PCDHGA10: variants seen among roughly 807,000 people sequenced by gnomAD.
PCDHGA10 encodes the protein protocadherin gamma subfamily A, 10, also known as protocadherin gamma-A10.
PCDHGA10 carries 42 observed loss-of-function variants against 59.5 expected under a neutral mutation model. The observed-to-expected ratio is 0.71, with a 90% CI of 0.55 to 0.91. The LOEUF is 0.91. Among genes scored for constraint, PCDHGA10 ranks in the 40% least tolerant of loss-of-function variants. The probability of loss-of-function intolerance (pLI) is 0.00; values close to 1 mark genes in which losing one functional copy is unlikely to be tolerated. For synonymous variants in PCDHGA10, 511 were observed against 517.2 expected, an observed-to-expected ratio of 0.99 and a Z score of 0.16; for missense variants, 1,111 against 1,198.2, an observed-to-expected ratio of 0.93 and a Z score of 1.07.
rs1177173734 is a variant in PCDHGA10, at chr5:141,491,741, G to A, written c.2437-3066G>A. ...CCGCCCCGGGCGACCCCTGGGGGCG[G>A]CACTGGAGAAGCCGCCCGTCCTCAT... On this transcript the variant is annotated intron_variant, in intron 1 of 3. Coordinates refer to ENST00000398610, the MANE Select transcript of PCDHGA10 (RefSeq NM_018913.3). The surrounding 1 kb of genome is among the most constrained non-coding windows in gnomAD (Gnocchi z 6.9). 1.9e-6 allele frequency: 3 copies of A among 1,595,644 alleles called. No homozygotes were observed. In the South Asian group the frequency reaches 3.4e-5, roughly 18 times the overall value.
Position 141,415,748 on chromosome 5 carries a change from T to G in PCDHGA10, c.2436+137T>G, listed in dbSNP as rs1345423849. On this transcript the variant is annotated intron_variant, in intron 1 of 3. Transcript: ENST00000398610. ...ATTTGATGTTTATTAAGGTTTTTTT[T>G]TTTTTTTTTTTTTTTTTTTTTTTTA... is the stretch of plus-strand genomic sequence containing the variant. 87 of 1,008,904 alleles carry G rather than the reference T, an allele frequency of 8.6e-5. No individual in the cohort carries two copies. The Middle Eastern group carries it at 1.2e-3, about 13-fold the overall frequency. 62.5% of individuals were successfully genotyped at this position (1,008,904 alleles called of 1,614,324 possible).
chr5:141,464,266 AAAAAAAAAAAAGC>A (rs2099079689), intron 1 of PCDHGA10, among the ~76,000 whole-genome samples: 2 of 138,926 alleles, frequency 1.4e-5, no homozygotes, highest in Admixed American at 1.4e-4. Flanking sequence ...CTCCGTCTAA[AAAAAAAAAAAAGC>A]AAAAAAAAAA....
At chr5:141,483,840 T>C (rs996866862) in intron 1 of PCDHGA10, among the ~76,000 whole-genome samples, 2 of 152,172 alleles carry the variant, frequency 1.3e-5, no homozygotes, top group South Asian at 2.1e-4. Context: ...AAGGACTTGG[T>C]TGAATTAAGA....
intron 1 of PCDHGA10, chr5:141,478,670 C>G: frequency 6.4e-7 from 1 of 1,551,664 alleles, no homozygotes; most frequent in East Asian, 2.4e-5. Flanking sequence ...TTCACACTTT[C>G]AACTGGCCCT....
At chr5:141,509,069 G>T (rs1463164307) in intron 3 of PCDHGA10, among the ~76,000 whole-genome samples, 1 of 152,174 alleles carries the variant, frequency 6.6e-6, no homozygotes, top group Non-Finnish European at 1.5e-5. Flanking sequence ...CTCAGCTCCG[G>T]GGATTTGCGA....
chr5:141,430,594 C>T, intron 1 of PCDHGA10: 3 of 563,604 alleles, frequency 5.3e-6, no homozygotes, highest in Non-Finnish European at 5.7e-6. Flanking sequence ...GCCTTGCACG[C>T]GCCTGAAGCA....
chr5:141,428,388 C>A, intron 1 of PCDHGA10: 1 of 506,160 alleles, frequency 2.0e-6, no homozygotes, highest in African/African-American at 1.9e-5. Flanking sequence ...GCTCTTCCAG[C>A]CCCTCTGCCT....
chr5:141,447,078 G>A (rs531206989), intron 1 of PCDHGA10, among the ~76,000 whole-genome samples: 5 of 152,018 alleles, frequency 3.3e-5, no homozygotes, highest in Non-Finnish European at 7.4e-5. Context: ...TTTAATTTTT[G>A]TTGTTTAATT....
intron 1 of PCDHGA10, among the ~76,000 whole-genome samples, chr5:141,449,674 TA>T (rs2154562752): frequency 6.6e-6 from 1 of 151,604 alleles, no homozygotes; most frequent in African/African-American, 2.4e-5. Context: ...AGTGTGTATG[TA>T]TATATGTTTG....
chr5:141,421,713 T>G, intron 1 of PCDHGA10: 1 of 1,613,932 alleles, frequency 6.2e-7, no homozygotes, highest in South Asian at 1.1e-5. Flanking sequence ...GGGATCCAGA[T>G]GTGGGCGTGA....
intron 2 of PCDHGA10, among the ~76,000 whole-genome samples, chr5:141,496,103 C>T (rs779317844): frequency 2.0e-5 from 3 of 152,218 alleles, no homozygotes; most frequent in South Asian, 2.1e-4. Flanking sequence ...ACCAACACCC[C>T]GCTCTCTTCC....
In PCDHGA10 at chr5:141,486,421, G is replaced by C; in HGVS notation, c.2437-8386G>C. 1 of 1,614,152 alleles carries C rather than the reference G, an allele frequency of 6.2e-7. No individual in the cohort carries two copies. Among genetic ancestry groups the C allele is most frequent in the African/African-American group, 1.3e-5 (1 of 75,028 alleles). On this transcript the variant is annotated intron_variant, in intron 1 of 3. Coordinates refer to ENST00000398610, the MANE Select transcript of PCDHGA10 (RefSeq NM_018913.3). This position sits in a 1 kb window ranked among gnomAD's most constrained non-coding sequence, Gnocchi z 5.0. Reference sequence around the variant, plus strand: ...TGACTGCTGGACCCTTGGATCGAGAGGCCAAATCTAGCTATGACATCATGG... The same window carrying C: ...TGACTGCTGGACCCTTGGATCGAGACGCCAAATCTAGCTATGACATCATGG...
intron 1 of PCDHGA10, among the ~76,000 whole-genome samples, chr5:141,437,919 G>A (rs2097917914): frequency 1.3e-5 from 2 of 152,078 alleles, no homozygotes; most frequent in Admixed American, 1.3e-4. Context: ...TGTATTTTTA[G>A]TAGAGATGGG....
chr5:141,507,478 C>T (rs933478897), intron 3 of PCDHGA10, among the ~76,000 whole-genome samples: 5 of 152,158 alleles, frequency 3.3e-5, no homozygotes, highest in African/African-American at 1.2e-4. Flanking sequence ...GGACTGCTGG[C>T]CTCCTGAGGC....
At chr5:141,416,200 T>G (rs1318033556) in intron 1 of PCDHGA10, 2 of 152,444 alleles carry the variant, frequency 1.3e-5, no homozygotes, top group African/African-American at 4.8e-5. Context: ...ATTAACAATT[T>G]ATTTATAACA....
In PCDHGA10 at chr5:141,490,028, G is replaced by A. The variant is rs752883792; in HGVS notation, c.2437-4779G>A. ...GCACCCATTGGTACTCTGCTGCTCC[G>A]CCTCAATGCCACTGATCCAGACGAG... On this transcript the variant is annotated intron_variant, in intron 1 of 3. Coordinates refer to ENST00000398610, the MANE Select transcript of PCDHGA10 (RefSeq NM_018913.3). The surrounding 1 kb of genome is among the most constrained non-coding windows in gnomAD (Gnocchi z 5.4). 20 of 1,614,070 alleles carry A rather than the reference G, an allele frequency of 1.2e-5. 1 individual carries two copies. Among genetic ancestry groups the A allele is most frequent in the South Asian group, 3.3e-5 (3 of 91,090 alleles).
rs1454395834 is a variant in PCDHGA10 at position 141,413,223 on chromosome 5, G to C, written c.48G>C (p.Gly16=). ...NRSKESKDCS[G]LVLLCLFFGI... ...CAAAGGAATCAAAGGATTGCAGCGG[G>C]CTGGTCCTGCTCTGCCTTTTCTTCG... The change falls in exon 1 of 4, where the codon GGG becomes GGC. Residue 16 remains glycine, a synonymous_variant. Transcript: ENST00000398610. The C allele has an allele frequency of 6.2e-7, 1 of 1,613,694 alleles. No homozygotes were observed. The highest frequency in any genetic ancestry group is 1.3e-5 in the African/African-American group (1 of 74,944).
intron 1 of PCDHGA10, chr5:141,423,463 G>C (rs772779471): frequency 1.2e-6 from 2 of 1,613,874 alleles, no homozygotes; most frequent in South Asian, 2.2e-5. Context: ...AGGCGTGGAC[G>C]GGGTACAGGC....
chr5:141,507,487 G>A (rs889348168), intron 3 of PCDHGA10, among the ~76,000 whole-genome samples: 1 of 152,204 alleles, frequency 6.6e-6, no homozygotes, highest in African/African-American at 2.4e-5. Context: ...GCCTCCTGAG[G>A]CAGAGCTGTC....
Sources: gnomAD v4.1 joint callset for allele counts (sites outside exome capture counted in the v4.1 genomes callset) on GRCh38, gnomAD v4.1.1 for gene constraint, Gnocchi (gnomAD v3.1) non-coding constraint, MANE v1.5 for transcripts, NCBI Gene and HGNC (gene_info 2026-07-23, HGNC 2026-07-21) for gene names.